GFPT2: variants seen among roughly 807,000 people sequenced by gnomAD.
The protein encoded by GFPT2 is glutamine--fructose-6-phosphate aminotransferase [isomerizing] 2.
In GFPT2, 62 loss-of-function variants were observed where a neutral mutation model predicts 85.6. That is an observed-to-expected ratio of 0.72 (90% CI 0.59 to 0.90). The LOEUF is 0.90. GFPT2 is among the 40% of genes least tolerant of loss of function. The probability of loss-of-function intolerance (pLI) is 0.00; values close to 1 mark genes in which losing one functional copy is unlikely to be tolerated. For synonymous variants in GFPT2, 368 were observed against 344.5 expected, an observed-to-expected ratio of 1.07 and a Z score of -0.75; for missense variants, 788 against 893.4, an observed-to-expected ratio of 0.88 and a Z score of 1.50.
intron 15 of GFPT2, 132 bp from the exon 16 acceptor site, chr5:180,307,435 T>G (rs1333944764): frequency 2.4e-6 from 2 of 835,722 alleles, no homozygotes; most frequent in Non-Finnish European, 3.8e-6. Context: ...TTCCTCGCAT[T>G]CGTTTCAAAC....
intron 1 of GFPT2, among the ~76,000 whole-genome samples, chr5:180,351,382 T>C (rs1338543587): frequency 6.6e-6 from 1 of 152,230 alleles, no homozygotes. Flanking sequence ...CATGCAGGGA[T>C]TCCACGACTT....
chr5:180,308,595 G>A (rs184694561), intron 15 of GFPT2, among the ~76,000 whole-genome samples: 2 of 152,272 alleles, frequency 1.3e-5, no homozygotes, highest in African/African-American at 2.4e-5. Flanking sequence ...ATTGTTCTTT[G>A]ACACCACAGT....
intron 2 of GFPT2, among the ~76,000 whole-genome samples, chr5:180,337,139 CACTTAGAAAGCT>C (rs1263488650): frequency 2.6e-5 from 4 of 152,198 alleles, no homozygotes; most frequent in African/African-American, 7.2e-5. Context: ...ATTGTGTAGC[CACTTAGAAAGCT>C]ACTTAGAAAG....
chr5:180,333,239 CTTTTT>C (rs11341578), intron 4 of GFPT2, among the ~76,000 whole-genome samples: 3 of 148,016 alleles, frequency 2.0e-5, no homozygotes, highest in African/African-American at 7.4e-5. Flanking sequence ...CTTTTTCTTT[CTTTTT>C]TTTTTTCTGA....
intron 17 of GFPT2, among the ~76,000 whole-genome samples, chr5:180,303,203 C>A (rs1422352210): frequency 6.7e-6 from 1 of 149,366 alleles, no homozygotes; most frequent in African/African-American, 2.5e-5. Context: ...GCACTCCAGC[C>A]TGGGCGACAG....
chr5:180,301,569 CCA>C lies in GFPT2; in HGVS notation c.2042_2043del (p.Val681GlyfsTer7). 1 of 1,612,860 alleles carries C rather than the reference CCA, an allele frequency of 6.2e-7. No homozygotes were observed. The highest frequency in any genetic ancestry group is 8.5e-7 in the Non-Finnish European group (1 of 1,178,800). ...GTCTTGTCACGGTCTCAGCCTCATT[CCA>C]CAGTTACAGACTTGGCCAGATTTCT... ...FPRNLAKSVTVE is the reference protein window; with the variant it reads ...FPRNLAKSVTXE On this transcript the variant is annotated frameshift_variant, in exon 19 of 19. Coordinates refer to ENST00000253778, the MANE Select transcript of GFPT2 (RefSeq NM_005110.4). LOFTEE classifies it high-confidence loss of function.
chr5:180,348,932 G>A (rs993241984), intron 1 of GFPT2, among the ~76,000 whole-genome samples: 1 of 151,292 alleles, frequency 6.6e-6, no homozygotes, highest in South Asian at 2.1e-4. Context: ...AGTAGAGACA[G>A]GGTTTTACCA....
chr5:180,321,597 A>C (rs574021001), intron 9 of GFPT2, among the ~76,000 whole-genome samples: 1 of 152,340 alleles, frequency 6.6e-6, no homozygotes, highest in East Asian at 1.9e-4. Context: ...CGTGCCCCGC[A>C]CACACTGGCC....
rs1763695644 is a variant in GFPT2 at position 180,302,496 on chromosome 5, C to G, written c.1931G>C (p.Cys644Ser). 1 of 1,613,886 alleles carries G rather than the reference C, an allele frequency of 6.2e-7. No homozygotes were observed. Among genetic ancestry groups the G allele is most frequent in the Non-Finnish European group, 8.5e-7 (1 of 1,179,888 alleles). The change falls in exon 18 of 19, where the codon TGC (cysteine) becomes TCC (serine). Residue 644 changes from cysteine (C) to serine (S), a missense_variant. Cys to Ser is a moderately radical substitution (Grantham distance 112, BLOSUM62 -1). Coordinates refer to ENST00000253778, the MANE Select transcript of GFPT2 (RefSeq NM_005110.4). ...KTIELPHTVD[C>S]LQGILSVIPL... ...AATCACGCTCAGGATGCCCTGGAGGCAGTCCACAGTGTGGGGCAGCTCAAT... is the reference window on the plus strand; with the variant it reads ...AATCACGCTCAGGATGCCCTGGAGGGAGTCCACAGTGTGGGGCAGCTCAAT...
At position 180,338,566 on chromosome 5, in the gene GFPT2, C is replaced by T; in HGVS notation, c.42G>A (p.Arg14=). Residue 14 remains arginine, a synonymous_variant, in exon 2 of 19, where the codon CGG becomes CGA. Transcript: ENST00000253778. ...IFAYMNYRVP[R]TRKEIFETLI... ...GGGTTTCGAAGATCTCCTTCCTCGT[C>T]CGGGGGACTCTGTAGTTCATGTAGG... The T allele has an allele frequency of 6.2e-7, 1 of 1,611,290 alleles. No homozygotes were observed.
rs367550129 is a variant in GFPT2 at position 180,350,259 on chromosome 5, C to G, written c.7+2952G>C. On this transcript the variant is annotated intron_variant, in intron 1 of 18. Coordinates refer to ENST00000253778, the MANE Select transcript of GFPT2 (RefSeq NM_005110.4). Reference sequence around the variant, plus strand: ...AGGCCCTATTTGGAAATAAGGACTCCAGGTTGCTCATCTTCAGATTTTGTC... The same window carrying G: ...AGGCCCTATTTGGAAATAAGGACTCGAGGTTGCTCATCTTCAGATTTTGTC... 5.9e-5 allele frequency among the ~76,000 whole-genome samples: 9 copies of G among 152,342 alleles called. No individual in the cohort carries two copies. In the South Asian group the frequency reaches 1.9e-3, roughly 32 times the overall value.
At chr5:180,309,476 A>C (rs1331527587) in intron 15 of GFPT2, among the ~76,000 whole-genome samples, 1 of 152,108 alleles carries the variant, frequency 6.6e-6, no homozygotes. Flanking sequence ...ACTGGAGTGC[A>C]ACGGCGTGAT....
chr5:180,325,082 T>C (rs1441216125), intron 7 of GFPT2, among the ~76,000 whole-genome samples, 187 bp from the exon 8 acceptor site: 1 of 152,186 alleles, frequency 6.6e-6, no homozygotes, highest in Non-Finnish European at 1.5e-5. Flanking sequence ...CCCAGGTCCC[T>C]GACTTGGCAT....
intron 2 of GFPT2, among the ~76,000 whole-genome samples, chr5:180,336,950 G>A (rs1213936623): frequency 6.6e-6 from 1 of 152,276 alleles, no homozygotes; most frequent in Non-Finnish European, 1.5e-5. Context: ...TATCTCCACT[G>A]CGTTAGTGTT....
At position 180,318,701 on chromosome 5, in the gene GFPT2, T is replaced by G; in HGVS notation, c.958+92A>C. The stretch of plus-strand genomic sequence containing the variant: ...GTGGCCACAGAGGGCAGGAGGGCTG[T>G]GGCCTCTACTAGGACCAGGCAGAGT... On this transcript the variant is annotated intron_variant, in intron 10 of 18. Coordinates refer to ENST00000253778, the MANE Select transcript of GFPT2 (RefSeq NM_005110.4). This position sits in a 1 kb window ranked among gnomAD's most constrained non-coding sequence, Gnocchi z 4.2. The G allele has an allele frequency of 9.1e-7, 1 of 1,097,248 alleles. No individual in the cohort carries two copies. Among genetic ancestry groups the G allele is most frequent in the South Asian group, 1.4e-5 (1 of 71,678 alleles). The allele number at this position is 1,097,248 out of a possible 1,614,324, so 68.0% of individuals were successfully genotyped here. A position where few individuals can be genotyped will look rare whatever the true frequency, so the allele number is the denominator to read the frequency against.
intron 14 of GFPT2, 124 bp from the exon 15 acceptor site, chr5:180,312,668 A>G (rs1763916501): frequency 3.3e-6 from 2 of 609,062 alleles, no homozygotes; most frequent in East Asian, 5.7e-5. Context: ...GGCTCACTGC[A>G]GCCTCAACCT....
In GFPT2 at chr5:180,316,769, C is replaced by A. The variant is rs774417416; in HGVS notation, c.1147G>T (p.Val383Leu). The A allele has an allele frequency of 6.2e-7, 1 of 1,609,424 alleles. No individual in the cohort carries two copies. Among genetic ancestry groups the A allele is most frequent in the Non-Finnish European group, 8.5e-7 (1 of 1,175,924 alleles). ...CGCACATGTGTCACACTTACAGCCA[C>A]GGCAGCGTGGTAGCTGGTTCCACAG... is the stretch of plus-strand genomic sequence containing the variant. The part of the protein sequence containing the change: ...IGCGTSYHAA[V>L]ATRQVLEELT... The change falls in exon 12 of 19, where the codon GTG becomes TTG. Residue 383 changes from valine to leucine, a missense_variant. Transcript: ENST00000253778.
intron 15 of GFPT2, among the ~76,000 whole-genome samples, chr5:180,307,774 G>A (rs1763808481): frequency 6.6e-6 from 1 of 152,190 alleles, no homozygotes; most frequent in South Asian, 2.1e-4. Flanking sequence ...ATCCCCAAGA[G>A]CCTTTGTTTT....
chr5:180,346,804 T>C (rs555757793), intron 1 of GFPT2, among the ~76,000 whole-genome samples: 1 of 152,342 alleles, frequency 6.6e-6, no homozygotes, highest in South Asian at 2.1e-4. Flanking sequence ...CTTTCTACCT[T>C]GATCTACTGC....
Sources: gnomAD v4.1 joint callset for allele counts (sites outside exome capture counted in the v4.1 genomes callset) on GRCh38, gnomAD v4.1.1 for gene constraint, Gnocchi (gnomAD v3.1) non-coding constraint, MANE v1.5 for transcripts, NCBI Gene and HGNC (gene_info 2026-07-23, HGNC 2026-07-21) for gene names.